The following HPSE2 variants were observed in gnomAD, a reference collection of about 807,000 sequenced individuals.
The protein encoded by HPSE2 is heparanase 2 (inactive), also known as inactive heparanase-2.
In HPSE2, 38 loss-of-function variants were observed where a neutral mutation model predicts 60.5. The ratio of observed to expected loss-of-function variants is 0.63; its 90% CI spans 0.48 to 0.82. The LOEUF is 0.82. Ranked by LOEUF, HPSE2 falls within the 40% of genes least tolerant of loss-of-function variation. The probability of loss-of-function intolerance (pLI) is 0.00; values close to 1 mark genes in which losing one functional copy is unlikely to be tolerated. For missense variants in HPSE2, 713 were observed against 740.4 expected (o/e 0.96, Z 0.43); for synonymous variants, 295 against 293.2 (o/e 1.01, Z -0.06).
At chr10:99,298,345 G>C in the HPSE2 span, among the ~76,000 whole-genome samples, 1 of 152,250 alleles carries the variant, frequency 6.6e-6, no homozygotes, top group Non-Finnish European at 1.5e-5. Context: ...AGTGGGAAAT[G>C]AAAAGAGAAA....
chr10:99,029,492 C>T (rs1957451220), intron 3 of HPSE2, among the ~76,000 whole-genome samples: 1 of 152,142 alleles, frequency 6.6e-6, no homozygotes, highest in Admixed American at 6.5e-5. Context: ...GGATACAAAG[C>T]AAAAGGGGCA....
intron 3 of HPSE2, among the ~76,000 whole-genome samples, chr10:98,826,391 A>C (rs1951548157): frequency 1.3e-5 from 2 of 152,234 alleles, no homozygotes; most frequent in Non-Finnish European, 2.9e-5. Flanking sequence ...GGCATTGACA[A>C]GACTAAATAT....
chr10:99,186,936 C>T (rs1351888134), intron 2 of HPSE2, among the ~76,000 whole-genome samples: 1 of 151,900 alleles, frequency 6.6e-6, no homozygotes, highest in Admixed American at 6.6e-5. Flanking sequence ...GCACACACTC[C>T]CATGCCCAGC....
intron 2 of HPSE2, among the ~76,000 whole-genome samples, chr10:99,195,491 GA>G (rs1848365128): frequency 6.6e-6 from 1 of 151,252 alleles, no homozygotes; most frequent in Admixed American, 6.6e-5. Flanking sequence ...AAAACTATTA[GA>G]ACTGATAAGT....
intron 5 of HPSE2, among the ~76,000 whole-genome samples, chr10:98,708,236 C>T (rs1459521838): frequency 1.3e-5 from 2 of 152,048 alleles, no homozygotes; most frequent in Non-Finnish European, 2.9e-5. Flanking sequence ...GTGGGCGGAT[C>T]ACGAGGTCAG....
At position 98,724,411 on chromosome 10, in the gene HPSE2, T is replaced by A. The variant is rs181073171; in HGVS notation, c.785-2583A>T. 1.6e-3 allele frequency among the ~76,000 whole-genome samples: 248 copies of A among 152,272 alleles called. 1 individual carries two copies. Among genetic ancestry groups the A allele is most frequent in the Middle Eastern group, 3.4e-3 (1 of 294 alleles). ...TATGTGGTCAATTTTGGAATAGGTGTGGTGTGGTGCTGAAAAGAATGTATA... is the reference window on the plus strand; with the variant it reads ...TATGTGGTCAATTTTGGAATAGGTGAGGTGTGGTGCTGAAAAGAATGTATA... On this transcript the variant is annotated intron_variant, in intron 4 of 11. Transcript: ENST00000370552.
chr10:99,239,418 G>GTTTTT (rs760549054), upstream of HPSE2, among the ~76,000 whole-genome samples: 14 of 100,404 alleles, frequency 1.4e-4, no homozygotes, highest in South Asian at 3.3e-4. Context: ...GTTTGTCAAG[G>GTTTTT]TTTTTTTTTT....
At chr10:98,468,590 T>A (rs1940652139) in intron 11 of HPSE2, among the ~76,000 whole-genome samples, 1 of 152,040 alleles carries the variant, frequency 6.6e-6, no homozygotes, top group Non-Finnish European at 1.5e-5. Context: ...CTCTCAGGCT[T>A]ATTTTATCTG....
chr10:98,909,485 C>G (rs985573679), intron 3 of HPSE2, among the ~76,000 whole-genome samples: 2 of 151,636 alleles, frequency 1.3e-5, no homozygotes, highest in African/African-American at 4.8e-5. Flanking sequence ...AAAAAATTAG[C>G]TGGGCGTGGT....
chr10:99,100,222 G>A (rs1040479167), intron 3 of HPSE2, among the ~76,000 whole-genome samples: 4 of 152,116 alleles, frequency 2.6e-5, no homozygotes, highest in Non-Finnish European at 4.4e-5. Context: ...CGAATCCATC[G>A]CAAAGAAGCT....
intron 5 of HPSE2, among the ~76,000 whole-genome samples, chr10:98,721,161 C>T (rs1948913276): frequency 6.6e-6 from 1 of 151,522 alleles, no homozygotes; most frequent in Non-Finnish European, 1.5e-5. Context: ...TCAGTCAAAA[C>T]TAAATAGGAA....
intron 2 of HPSE2, among the ~76,000 whole-genome samples, chr10:99,173,207 T>C (rs945484385): frequency 2.0e-5 from 3 of 152,126 alleles, no homozygotes; most frequent in Non-Finnish European, 4.4e-5. Context: ...TCTACTGAAG[T>C]CTGTTCACTA....
intron 9 of HPSE2, among the ~76,000 whole-genome samples, chr10:98,502,435 A>T (rs1214997701): frequency 6.6e-6 from 1 of 152,216 alleles, no homozygotes; most frequent in Non-Finnish European, 1.5e-5. Context: ...AGCAAACAAA[A>T]AAATAAAGAG....
At chr10:98,649,148 T>G (rs1565047330) in intron 6 of HPSE2, among the ~76,000 whole-genome samples, 1 of 152,120 alleles carries the variant, frequency 6.6e-6, no homozygotes, top group Non-Finnish European at 1.5e-5. Flanking sequence ...AAATTGGGGG[T>G]TGCTTATACT....
chr10:98,880,071 T>A (rs1257238477), intron 3 of HPSE2, among the ~76,000 whole-genome samples: 1 of 152,028 alleles, frequency 6.6e-6, no homozygotes, highest in Non-Finnish European at 1.5e-5. Context: ...TTTATTATAA[T>A]CTCTGTGATG....
chr10:98,671,075 AT>A (rs1947495021), intron 6 of HPSE2, among the ~76,000 whole-genome samples: 1 of 152,196 alleles, frequency 6.6e-6, no homozygotes, highest in Non-Finnish European at 1.5e-5. Flanking sequence ...GGATTTTTGA[AT>A]TAGGGATACT....
chr10:98,562,692 C>A (rs1218685181), intron 9 of HPSE2, among the ~76,000 whole-genome samples: 2 of 118,324 alleles, frequency 1.7e-5, no homozygotes, highest in Non-Finnish European at 1.6e-5. Context: ...TCCAGCCTGG[C>A]GAACAGAGTG....
chr10:98,775,723 T>C (rs919411246), intron 3 of HPSE2, among the ~76,000 whole-genome samples: 6 of 152,148 alleles, frequency 3.9e-5, no homozygotes, highest in Non-Finnish European at 7.3e-5. Flanking sequence ...ACTAATATTG[T>C]AGTCCGAAAT....
chr10:99,084,174 C>G (rs1327282852), intron 3 of HPSE2, among the ~76,000 whole-genome samples: 1 of 151,980 alleles, frequency 6.6e-6, no homozygotes, highest in Non-Finnish European at 1.5e-5. Flanking sequence ...CCTCCCTATC[C>G]TGAAATAAAT....
Sources: allele counts gnomAD v4.1 joint callset (sites outside exome capture counted in the v4.1 genomes callset), GRCh38; gene constraint gnomAD v4.1.1; transcripts MANE v1.5; gene names NCBI Gene and HGNC (gene_info 2026-07-23, HGNC 2026-07-21).